The following CENPO variants were observed in gnomAD, a reference collection of about 807,000 sequenced individuals.
The protein encoded by CENPO is centromeric protein O.
Under a neutral mutation model 36.1 loss-of-function variants are expected in CENPO, and 30 were observed. That is an observed-to-expected ratio of 0.83 (90% CI 0.62 to 1.13). The LOEUF (loss-of-function observed/expected upper bound fraction) is 1.13. Among genes scored for constraint, CENPO ranks in the 50% most tolerant of loss-of-function variants. The pLI, the probability that CENPO is intolerant of heterozygous loss-of-function variation, is 0.00. For synonymous variants in CENPO, 171 were observed against 142.3 expected (o/e 1.20, Z -1.44); for missense variants, 349 against 357.8 (o/e 0.98, Z 0.20).
chr2:24,821,356 C>T lies in CENPO; in HGVS notation c.*2038C>T. On this transcript the variant is annotated 3_prime_UTR_variant, in exon 8 of 8. Coordinates refer to ENST00000380834, the MANE Select transcript of CENPO (RefSeq NM_001322101.2). The stretch of plus-strand genomic sequence containing the variant: ...TTTTGGTTTAGTCATCTAGAGTCGT[C>T]TGGACTAAAGGTCTTTCAGGTCTCC... The T allele has an allele frequency of 9.4e-7, 1 of 1,064,276 alleles. No individual in the cohort carries two copies. 65.9% of individuals were successfully genotyped at this position (1,064,276 alleles called of 1,614,324 possible). A position where few individuals can be genotyped will look rare whatever the true frequency, so the allele number is the denominator to read the frequency against.
chr2:24,802,687 C>G (rs1314597305), intron 3 of CENPO, among the ~76,000 whole-genome samples: 1 of 152,160 alleles, frequency 6.6e-6, no homozygotes, highest in Non-Finnish European at 1.5e-5. Flanking sequence ...CCCACTTGAT[C>G]ATGGTGGATA....
In CENPO at chr2:24,819,479, C is replaced by T. The variant is rs1471932339; in HGVS notation, c.*161C>T. The T allele has an allele frequency of 6.5e-6, 1 of 154,418 alleles. No homozygotes were observed. The allele number at this position is 154,418 out of a possible 1,614,324, so 9.6% of individuals were successfully genotyped here. A position where few individuals can be genotyped will look rare whatever the true frequency, so the allele number is the denominator to read the frequency against. ...AGGAACACCAGGACGAGGGCCGTCT[C>T]ACCTCACTCGGACCACATGGAGACC... On this transcript the variant is annotated 3_prime_UTR_variant, in exon 8 of 8. Transcript: ENST00000380834.
At chr2:24,794,486 T>C (rs1271059341) in intron 2 of CENPO, among the ~76,000 whole-genome samples, 1 of 152,242 alleles carries the variant, frequency 6.6e-6, no homozygotes, top group Non-Finnish European at 1.5e-5. Context: ...TGGAAAAGTA[T>C]TGAACTCAGA....
At chr2:24,809,987 A>G (rs1451848201) in intron 3 of CENPO, among the ~76,000 whole-genome samples, 2 of 151,796 alleles carry the variant, frequency 1.3e-5, no homozygotes, top group Non-Finnish European at 2.9e-5. Context: ...GGCGGGGGTT[A>G]CAGTGAGCCG....
At chr2:24,804,346 T>C (rs908356662) in intron 3 of CENPO, among the ~76,000 whole-genome samples, 1 of 152,222 alleles carries the variant, frequency 6.6e-6, no homozygotes, top group Admixed American at 6.5e-5. Context: ...AATATTGTTA[T>C]GTGTGAATTT....
intron 3 of CENPO, among the ~76,000 whole-genome samples, chr2:24,810,932 G>A (rs1049513182): frequency 1.3e-5 from 2 of 151,794 alleles, no homozygotes; most frequent in African/African-American, 4.8e-5. Flanking sequence ...GTTGTCTATT[G>A]TTATTATTTA....
intron 2 of CENPO, among the ~76,000 whole-genome samples, chr2:24,797,611 A>G (rs1665964100): frequency 6.6e-6 from 1 of 152,234 alleles, no homozygotes; most frequent in Non-Finnish European, 1.5e-5. Flanking sequence ...AAGTGTCACA[A>G]AAACAGGTTG....
intron 2 of CENPO, among the ~76,000 whole-genome samples, chr2:24,794,518 C>T (rs1665793755): frequency 1.3e-5 from 2 of 152,200 alleles, no homozygotes; most frequent in South Asian, 4.1e-4. Flanking sequence ...AAGCATTTAG[C>T]ACATGTCTAA....
In CENPO at chr2:24,811,780, T is replaced by C. The variant is rs534597987; in HGVS notation, c.217-2596T>C. On this transcript the variant is annotated intron_variant, in intron 3 of 7. Coordinates refer to ENST00000380834, the MANE Select transcript of CENPO (RefSeq NM_001322101.2). ...CCGGCCAATTTTTTTGTATTTTTAG[T>C]AGAGACGGGGTTTCACCATGTTGGC... Among the ~76,000 whole-genome samples, 4 of 152,262 alleles carry C rather than the reference T, an allele frequency of 2.6e-5. No homozygotes were observed. The East Asian group carries it at 5.8e-4, about 22-fold the overall frequency.
At position 24,814,429 on chromosome 2, in the gene CENPO, G is replaced by A. The variant is rs1040427824; in HGVS notation, c.270G>A (p.Glu90=). The change falls in exon 4 of 8, where the codon GAG becomes GAA. Residue 90 remains glutamate (E), a synonymous_variant. Coordinates refer to ENST00000380834, the MANE Select transcript of CENPO (RefSeq NM_001322101.2). ...VEPNQTVEIN[E]QEALEEKLEN... ...CCAACCAAACAGTGGAGATCAATGAGCAAGAAGCATTGGAAGAGAAATTGG... is the reference window on the plus strand; with the variant it reads ...CCAACCAAACAGTGGAGATCAATGAACAAGAAGCATTGGAAGAGAAATTGG... The A allele has an allele frequency of 7.5e-6, 12 of 1,607,356 alleles. No homozygotes were observed. Among genetic ancestry groups the A allele is most frequent in the Non-Finnish European group, 8.5e-6 (10 of 1,173,962 alleles).
chr2:24,810,541 CTT>C (rs1271669686), intron 3 of CENPO, among the ~76,000 whole-genome samples: 2 of 112,324 alleles, frequency 1.8e-5, no homozygotes, highest in Admixed American at 2.4e-4. Flanking sequence ...GAGTTTTGCT[CTT>C]GTCGCCCAGG....
intron 7 of CENPO, among the ~76,000 whole-genome samples, chr2:24,818,305 T>C (rs1667056333): frequency 6.6e-6 from 1 of 152,194 alleles, no homozygotes; most frequent in Admixed American, 6.5e-5. Flanking sequence ...CTTGATTCTG[T>C]TGAGAAACAC....
At chr2:24,807,084 C>T (rs1039242024) in intron 3 of CENPO, among the ~76,000 whole-genome samples, 73 of 152,330 alleles carry the variant, frequency 4.8e-4, no homozygotes, top group African/African-American at 1.6e-3. Context: ...AAGCCGTCAA[C>T]AACCCTTCAT....
chr2:24,821,269 G>C lies in CENPO; in HGVS notation c.*1951G>C. The C allele has an allele frequency of 2.0e-6, 1 of 503,418 alleles. No homozygotes were observed. 31.2% of individuals were successfully genotyped at this position (503,418 alleles called of 1,614,324 possible). ...GATCACAAACTCACTTCTCAGCCAG[G>C]CAGGCCAAGCTTCTATTGTAACAGT... On this transcript the variant is annotated 3_prime_UTR_variant, in exon 8 of 8. Transcript: ENST00000380834.
intron 3 of CENPO, among the ~76,000 whole-genome samples, chr2:24,812,281 C>T (rs1286191612): frequency 6.6e-6 from 1 of 151,964 alleles, no homozygotes; most frequent in Non-Finnish European, 1.5e-5. Context: ...GAAGTTTTGG[C>T]CTTATTAGTC....
intron 2 of CENPO, among the ~76,000 whole-genome samples, chr2:24,797,014 G>A (rs1362705177): frequency 1.3e-5 from 2 of 152,334 alleles, no homozygotes; most frequent in East Asian, 3.9e-4. Flanking sequence ...TCATCGAAAG[G>A]CTTTAGCCAG....
rs931879622 is a variant in CENPO at position 24,821,226 on chromosome 2, G to A, written c.*1908G>A. The A allele has an allele frequency of 1.6e-4, 72 of 454,518 alleles. No individual in the cohort carries two copies. The highest frequency in any genetic ancestry group is 1.9e-4 in the Non-Finnish European group (48 of 255,934). The allele number at this position is 454,518 out of a possible 1,614,324, so 28.2% of individuals were successfully genotyped here. A position where few individuals can be genotyped will look rare whatever the true frequency, so the allele number is the denominator to read the frequency against. On this transcript the variant is annotated 3_prime_UTR_variant, in exon 8 of 8. Transcript: ENST00000380834. ...GGAAGCCATGTCCTCAGCAGGCACA[G>A]CAACCCCTCTGGAAATGGATCACAA... is the stretch of plus-strand genomic sequence containing the variant.
chr2:24,821,234 T>C lies in CENPO; in HGVS notation c.*1916T>C. On this transcript the variant is annotated 3_prime_UTR_variant, in exon 8 of 8. Coordinates refer to ENST00000380834, the MANE Select transcript of CENPO (RefSeq NM_001322101.2). ...TGTCCTCAGCAGGCACAGCAACCCC[T>C]CTGGAAATGGATCACAAACTCACTT... 2.2e-6 allele frequency: 1 copy of C among 456,302 alleles called. No homozygotes were observed. The highest frequency in any genetic ancestry group is 3.9e-6 in the Non-Finnish European group (1 of 257,460). The allele number at this position is 456,302 out of a possible 1,614,324, so 28.3% of individuals were successfully genotyped here.
rs73923431 is a variant in CENPO, at chr2:24,821,054, C to A, written c.*1736C>A. ...TGTTAGGTGTCAGCCGCCACCCCCC[C>A]CCCATATGCAGATTTACTCGGCATG... On this transcript the variant is annotated 3_prime_UTR_variant, in exon 8 of 8. Transcript: ENST00000380834. The A allele has an allele frequency of 4.9e-5, 32 of 654,348 alleles. No individual in the cohort carries two copies. The highest frequency in any genetic ancestry group is 2.1e-4 in the East Asian group (7 of 33,262). 40.5% of individuals were successfully genotyped at this position (654,348 alleles called of 1,614,324 possible).
Sources: gnomAD v4.1 joint callset for allele counts (sites outside exome capture counted in the v4.1 genomes callset) on GRCh38, gnomAD v4.1.1 for gene constraint, MANE v1.5 for transcripts, NCBI Gene and HGNC (gene_info 2026-07-23, HGNC 2026-07-21) for gene names.